The following KIAA1549 variants were observed in gnomAD, a reference collection of about 807,000 sequenced individuals.
KIAA1549 encodes the protein UPF0606 protein KIAA1549.
Under a neutral mutation model 156.4 loss-of-function variants are expected in KIAA1549, and 70 were observed. That is an observed-to-expected ratio of 0.45 (90% confidence interval 0.37 to 0.55). The LOEUF (loss-of-function observed/expected upper bound fraction) is 0.55, where lower values mean the gene tolerates loss of function less well. KIAA1549 is among the 20% of genes least tolerant of loss of function. KIAA1549 has a pLI of 0.00. For missense variants in KIAA1549, 2,428 were observed against 2,540.9 expected, an observed-to-expected ratio of 0.96 and a Z score of 0.96; for synonymous variants, 1,103 against 1,066.4, an observed-to-expected ratio of 1.03 and a Z score of -0.67.
chr7:138,841,376 G>A (rs1809912699), intron 18 of KIAA1549, among the ~76,000 whole-genome samples: 1 of 152,104 alleles, frequency 6.6e-6, no homozygotes, highest in African/African-American at 2.4e-5. Flanking sequence ...AGCCTCACTG[G>A]TGCGGTGAGC....
At chr7:138,974,797 T>C (rs1265317358) in intron 1 of KIAA1549, among the ~76,000 whole-genome samples, 1 of 150,230 alleles carries the variant, frequency 6.7e-6, no homozygotes, top group Non-Finnish European at 1.5e-5. Context: ...ACAATTCTAA[T>C]CTAGTTGCCT....
intron 1 of KIAA1549, among the ~76,000 whole-genome samples, chr7:138,935,983 G>A (rs1812998893): frequency 6.6e-6 from 1 of 152,194 alleles, no homozygotes; most frequent in South Asian, 2.1e-4. Context: ...ACAATAGGAA[G>A]GAATAGGATA....
At chr7:138,905,115 A>G (rs1356410487) in intron 6 of KIAA1549, 34 bp from the exon 7 acceptor site, 6 of 1,424,346 alleles carry the variant, frequency 4.2e-6, no homozygotes, top group Non-Finnish European at 5.8e-6. Flanking sequence ...AAGGAGAAAA[A>G]TATCTGTAAA....
chr7:138,928,194 T>C lies in KIAA1549; in HGVS notation c.188-8756A>G, dbSNP rs549668641. Among the ~76,000 whole-genome samples the C allele has an allele frequency of 6.6e-5, 10 of 152,316 alleles. No individual in the cohort carries two copies. In the South Asian group the frequency reaches 1.9e-3, roughly 28 times the overall value. ...CCTCGGCCTCCCAAAGTGCTGGGAT[T>C]ATAGGCGTGAGCCACCACGCCCGGC... On this transcript the variant is annotated intron_variant, in intron 1 of 19. Transcript: ENST00000422774.
intron 7 of KIAA1549, among the ~76,000 whole-genome samples, 164 bp from the exon 8 acceptor site, chr7:138,903,900 GCCATAAAATGCCAATT>G (rs945931363): frequency 6.6e-6 from 1 of 150,560 alleles, no homozygotes; most frequent in African/African-American, 2.4e-5. Context: ...ATGCAAGATT[GCCATAAAATGCCAATT>G]CCTAGACAGA....
rs1388617678 is a variant in KIAA1549, at chr7:138,917,086, C to A, written c.2540G>T (p.Gly847Val). ...VLITDAYLPSGSSFVSEATPF... is the reference protein window; with the variant it reads ...VLITDAYLPSVSSFVSEATPF... ...GGTTGCTTCAGAAACAAACGAGGAT[C>A]CTGATGGCAGGTACGCGTCAGTGAT... The change falls in exon 2 of 20, where the codon GGA becomes GTA. Residue 847 changes from glycine to valine, a missense_variant. Physicochemically the swap from Gly to Val is moderately radical, Grantham distance 109. Around this residue, in one of 5 missense-constraint regions of KIAA1549, gnomAD observed 762 missense variants for 901.6 expected, o/e 0.85. Transcript: ENST00000422774. 6.2e-7 allele frequency: 1 copy of A among 1,608,980 alleles called. No homozygotes were observed. Among genetic ancestry groups the A allele is most frequent in the Non-Finnish European group, 8.5e-7 (1 of 1,177,722 alleles).
In KIAA1549 at chr7:138,944,997, T is replaced by C. The variant is rs142890006; in HGVS notation, c.188-25559A>G. ...ATTGAACACTTTGAAAGGGCTAAAA[T>C]TGTAAATTTTATGTTATGCATGTTT... On this transcript the variant is annotated intron_variant, in intron 1 of 19. Transcript: ENST00000422774. Among the ~76,000 whole-genome samples the C allele has an allele frequency of 3.7e-3, 556 of 152,312 alleles. 5 individuals are homozygous for C. The highest frequency in any genetic ancestry group is 0.013 in the African/African-American group (541 of 41,562).
At position 138,923,960 on chromosome 7, in the gene KIAA1549, T is replaced by C. The variant is rs187024218; in HGVS notation, c.188-4522A>G. On this transcript the variant is annotated intron_variant, in intron 1 of 19. Transcript: ENST00000422774. ...AAGGGTTATATTCCTTTCTCTATCA[T>C]ATGAATTTTTAAAATGAATAAATAA... 3.9e-4 allele frequency among the ~76,000 whole-genome samples: 60 copies of C among 152,370 alleles called. 1 individual carries two copies. Among genetic ancestry groups the C allele is most frequent in the Admixed American group, 2.1e-3 (32 of 15,306 alleles).
At chr7:138,920,870 G>A (rs1812546424) in intron 1 of KIAA1549, among the ~76,000 whole-genome samples, 1 of 152,186 alleles carries the variant, frequency 6.6e-6, no homozygotes, top group South Asian at 2.1e-4. Flanking sequence ...CTAGCAACAT[G>A]GCAGACTAGA....
chr7:138,900,272 CT>C (rs1402938776), intron 8 of KIAA1549, among the ~76,000 whole-genome samples: 2 of 152,202 alleles, frequency 1.3e-5, no homozygotes, highest in Non-Finnish European at 2.9e-5. Context: ...CGTCCAAACC[CT>C]CTTCCCTCAA....
intron 5 of KIAA1549, 64 bp downstream of exon 5, chr7:138,908,927 A>G (rs1812087004): frequency 6.3e-7 from 1 of 1,587,062 alleles, no homozygotes; most frequent in South Asian, 1.1e-5. Flanking sequence ...CATCTTAAAC[A>G]ATGTGGAACA....
chr7:138,852,876 T>C (rs1810275920), intron 16 of KIAA1549, among the ~76,000 whole-genome samples: 1 of 152,254 alleles, frequency 6.6e-6, no homozygotes, highest in African/African-American at 2.4e-5. Context: ...CCGGCTATAT[T>C]TTCTGCCCTT....
intron 10 of KIAA1549, among the ~76,000 whole-genome samples, chr7:138,887,859 GGCA>G (rs373961594): frequency 2.0e-5 from 3 of 151,994 alleles, no homozygotes; most frequent in East Asian, 1.9e-4. Context: ...TAGAGGAGGT[GGCA>G]GCAGCAGCAG....
intron 12 of KIAA1549, 55 bp from the exon 13 acceptor site, chr7:138,871,417 A>T: frequency 7.0e-7 from 1 of 1,418,816 alleles, no homozygotes; most frequent in Admixed American, 2.6e-5. Context: ...AGAAACAGCA[A>T]CTAATCAAAA....
At chr7:138,863,058 C>T (rs1467884426) in intron 15 of KIAA1549, among the ~76,000 whole-genome samples, 2 of 152,144 alleles carry the variant, frequency 1.3e-5, no homozygotes, top group Non-Finnish European at 2.9e-5. Flanking sequence ...GAGCAAAACA[C>T]GGTCATAATA....
intron 1 of KIAA1549, among the ~76,000 whole-genome samples, chr7:138,967,897 T>A (rs1009314190): frequency 2.0e-5 from 3 of 152,098 alleles, no homozygotes; most frequent in Admixed American, 6.6e-5. Context: ...TGCCCCTCCA[T>A]CCCAGCCTGT....
At chr7:138,937,569 C>T (rs1451169494) in intron 1 of KIAA1549, among the ~76,000 whole-genome samples, 1 of 152,106 alleles carries the variant, frequency 6.6e-6, no homozygotes, top group East Asian at 1.9e-4. Flanking sequence ...AAGCAAGATG[C>T]TGTGATGGAC....
chr7:138,850,294 A>G (rs2354333), intron 17 of KIAA1549, among the ~76,000 whole-genome samples: 108,717 of 152,030 alleles, frequency 0.72, 39,141 homozygotes, highest in East Asian at 0.91. Flanking sequence ...CTTCCACAAC[A>G]GTTGAACTAA....
In KIAA1549 at chr7:138,907,114, A is replaced by C; in HGVS notation, c.3277-12T>G. Reference sequence around the variant, plus strand: ...GTGATATTCAAGATCTGAAAGAATAAAGTCAGAATAAGCTTCTATAATAAA... The same window carrying C: ...GTGATATTCAAGATCTGAAAGAATACAGTCAGAATAAGCTTCTATAATAAA... On this transcript the variant is annotated splice_polypyrimidine_tract_variant and intron_variant, in intron 5 of 19. Transcript: ENST00000422774. The C allele has an allele frequency of 6.4e-7, 1 of 1,555,948 alleles. No homozygotes were observed. The highest frequency in any genetic ancestry group is 8.7e-7 in the Non-Finnish European group (1 of 1,155,122).
Sources: allele counts gnomAD v4.1 joint callset (sites outside exome capture counted in the v4.1 genomes callset), GRCh38; gene constraint gnomAD v4.1.1; regional missense constraint gnomAD v4.1.1; transcripts MANE v1.5; gene names NCBI Gene and HGNC (gene_info 2026-07-23, HGNC 2026-07-21).